Variants in CENPE observed in about 807,000 individuals in gnomAD.
CENPE encodes the protein centromere protein E.
Under a neutral mutation model 336.1 loss-of-function variants are expected in CENPE, and 145 were observed. That is an observed-to-expected ratio of 0.43 (90% CI 0.38 to 0.50). The LOEUF is 0.50. Among genes scored for constraint, CENPE ranks in the 20% least tolerant of loss-of-function variants. The pLI is 0.00. For missense variants in CENPE, 2,719 were observed against 3,023.3 expected (o/e 0.90, Z 2.36); for synonymous variants, 1,013 against 984.8 (o/e 1.03, Z -0.54).
chr4:103,126,241 G>A (rs1435291339), intron 42 of CENPE, among the ~76,000 whole-genome samples: 1 of 152,122 alleles, frequency 6.6e-6, no homozygotes, highest in Non-Finnish European at 1.5e-5. Flanking sequence ...AGTCTGGCAG[G>A]AGAGGAGAAA....
chr4:103,110,089 C>T (rs979445504), intron 47 of CENPE, among the ~76,000 whole-genome samples: 1 of 152,132 alleles, frequency 6.6e-6, no homozygotes, highest in Non-Finnish European at 1.5e-5. Context: ...TTTTTCATAT[C>T]TATTCTGATA....
intron 47 of CENPE, 67 bp downstream of exon 47, chr4:103,110,761 A>G: frequency 1.6e-6 from 2 of 1,273,674 alleles, no homozygotes; most frequent in Non-Finnish European, 2.1e-6. Flanking sequence ...ATACGTGCAT[A>G]TACCATGTCC....
Position 103,114,472 on chromosome 4 carries a change from T to C in CENPE, c.7523A>G (p.Gln2508Arg), listed in dbSNP as rs1170790630. The change falls in exon 46 of 49, where the codon CAG (glutamine) becomes CGG (arginine). Residue 2508 changes from glutamine to arginine, a missense_variant. Coordinates refer to ENST00000265148, the MANE Select transcript of CENPE (RefSeq NM_001813.3). ...LLRENLRRSQQAQDTSVISEH... is the reference protein window; with the variant it reads ...LLRENLRRSQRAQDTSVISEH... ...CTACTTACCTGAGGTATCTTGGGCC[T>C]GTTGACTTCTTCTGAGATTTTCTCT... 3.5e-5 allele frequency: 56 copies of C among 1,608,274 alleles called. No homozygotes were observed. The highest frequency in any genetic ancestry group is 4.6e-5 in the Non-Finnish European group (54 of 1,175,738).
At chr4:103,123,329 C>G (rs1750805444) in intron 42 of CENPE, among the ~76,000 whole-genome samples, 1 of 152,098 alleles carries the variant, frequency 6.6e-6, no homozygotes, top group Admixed American at 6.6e-5. Context: ...ATCCTCTTGT[C>G]CAGCATACAC....
Position 103,192,740 on chromosome 4 carries a change from A to G in CENPE, c.693+1489T>C, listed in dbSNP as rs1560685037. ...GGTAGGAAGAAAATAGTTTCGTTTT[A>G]GACATATTAAAGTTTGAGATAATGA... On this transcript the variant is annotated intron_variant, in intron 8 of 48. Coordinates refer to ENST00000265148, the MANE Select transcript of CENPE (RefSeq NM_001813.3). Among the ~76,000 whole-genome samples the G allele has an allele frequency of 2.0e-5, 3 of 152,158 alleles. No individual in the cohort carries two copies. The South Asian group carries it at 6.2e-4, about 32-fold the overall frequency.
chr4:103,138,283 C>G, intron 39 of CENPE, 68 bp downstream of exon 39: 2 of 1,041,350 alleles, frequency 1.9e-6, no homozygotes, highest in Non-Finnish European at 3.0e-6. Flanking sequence ...TTCAATCCCA[C>G]TTCAGGTTTC....
intron 42 of CENPE, among the ~76,000 whole-genome samples, chr4:103,127,132 AAAACCCCC>A (rs1751190099): frequency 6.6e-6 from 1 of 151,392 alleles, no homozygotes; most frequent in Non-Finnish European, 1.5e-5. Context: ...CCCCCGAAAA[AAAACCCCC>A]AAAAACAAAA....
intron 4 of CENPE, 70 bp from the exon 5 acceptor site, chr4:103,195,303 A>T: frequency 7.2e-7 from 1 of 1,381,606 alleles, no homozygotes. Context: ...CTAAATGCTC[A>T]TGTGCTTAAA....
At position 103,194,210 on chromosome 4, in the gene CENPE, A is replaced by C; in HGVS notation, c.693+19T>G. 1.3e-6 allele frequency: 2 copies of C among 1,597,288 alleles called. No individual in the cohort carries two copies. The highest frequency in any genetic ancestry group is 1.7e-6 in the Non-Finnish European group (2 of 1,166,272). On this transcript the variant is annotated intron_variant, in intron 8 of 48. Coordinates refer to ENST00000265148, the MANE Select transcript of CENPE (RefSeq NM_001813.3). Reference sequence around the variant, plus strand: ...GTTTTGGCCCATACAGTACATTATTATGGTTCATTAATACTCACCAAATGG... The same window carrying C: ...GTTTTGGCCCATACAGTACATTATTCTGGTTCATTAATACTCACCAAATGG...
intron 8 of CENPE, among the ~76,000 whole-genome samples, chr4:103,191,820 C>T (rs930671550): frequency 2.0e-5 from 3 of 151,800 alleles, no homozygotes; most frequent in Middle Eastern, 3.4e-3. Context: ...AATAAAAAAA[C>T]GTAAAACTGG....
At position 103,174,794 on chromosome 4, in the gene CENPE, T is replaced by C; in HGVS notation, c.1589A>G (p.Glu530Gly). The change falls in exon 16 of 49, where the codon GAA (glutamate) becomes GGA (glycine). Residue 530 changes from glutamate (E) to glycine (G), a missense_variant. Coordinates refer to ENST00000265148, the MANE Select transcript of CENPE (RefSeq NM_001813.3). The part of the protein sequence containing the change: ...EKEEMELKLK[E>G]KNDLDEFEAL... ...CTCAAATTCATCCAAATCATTCTTT[T>C]CTTTTAATTTCAATTCCATTTCTTC... is the stretch of plus-strand genomic sequence containing the variant. 1 of 1,554,082 alleles carries C rather than the reference T, an allele frequency of 6.4e-7. No homozygotes were observed. The highest frequency in any genetic ancestry group is 1.2e-5 in the South Asian group (1 of 82,018).
rs1474504185 is a variant in CENPE at position 103,160,607 on chromosome 4, G to A, written c.2286+18C>T. 3.1e-6 allele frequency: 5 copies of A among 1,589,158 alleles called. No individual in the cohort carries two copies. The highest frequency in any genetic ancestry group is 4.3e-6 in the Non-Finnish European group (5 of 1,170,696). ...TTTTATTTCAAAATAAGGGATAAGT[G>A]CTTATAAATGTGTTTACCTCTTTCC... On this transcript the variant is annotated intron_variant, in intron 21 of 48. Transcript: ENST00000265148.
At chr4:103,125,866 CAA>C (rs1314621341) in intron 42 of CENPE, among the ~76,000 whole-genome samples, 29 of 48,054 alleles carry the variant, frequency 6.0e-4, no homozygotes, top group African/African-American at 1.0e-3. Flanking sequence ...GACTCCATCT[CAA>C]AAAAAAAAAA....
Position 103,145,104 on chromosome 4 carries a change from G to C in CENPE, c.4803C>G (p.Ala1601=), listed in dbSNP as rs376664769. 1.9e-6 allele frequency: 3 copies of C among 1,590,948 alleles called. No individual in the cohort carries two copies. Among genetic ancestry groups the C allele is most frequent in the African/African-American group, 2.7e-5 (2 of 73,136 alleles). The change falls in exon 32 of 49, where the codon GCC becomes GCG. Residue 1601 remains alanine, a synonymous_variant. Coordinates refer to ENST00000265148, the MANE Select transcript of CENPE (RefSeq NM_001813.3). ...TCAGTTGGTCTCTCTCTATCTGAAGGGCCTCCTGTACTCTTTTCATTTCCT... is the reference window on the plus strand; with the variant it reads ...TCAGTTGGTCTCTCTCTATCTGAAGCGCCTCCTGTACTCTTTTCATTTCCT... The part of the protein sequence containing the change: ...EKEEMKRVQE[A]LQIERDQLKE...
chr4:103,107,996 C>T (rs1749043228), intron 48 of CENPE, among the ~76,000 whole-genome samples: 2 of 152,172 alleles, frequency 1.3e-5, no homozygotes, highest in South Asian at 4.1e-4. Flanking sequence ...GCCTCACTGA[C>T]TTCACCCACA....
Position 103,123,094 on chromosome 4 carries a change from T to C in CENPE, c.6925-5A>G. 2 of 1,606,176 alleles carry C rather than the reference T, an allele frequency of 1.2e-6. No homozygotes were observed. Among genetic ancestry groups the C allele is most frequent in the South Asian group, 2.2e-5 (2 of 90,864 alleles). On this transcript the variant is annotated splice_polypyrimidine_tract_variant and splice_region_variant and intron_variant, in intron 42 of 48. Coordinates refer to ENST00000265148, the MANE Select transcript of CENPE (RefSeq NM_001813.3). Reference sequence around the variant, plus strand: ...TGTTGATTCATTCATTATGGCCTATTGAACAGTAAAATACCATTATAGCTC... The same window carrying C: ...TGTTGATTCATTCATTATGGCCTATCGAACAGTAAAATACCATTATAGCTC...
intron 44 of CENPE, among the ~76,000 whole-genome samples, chr4:103,117,403 A>T (rs1050694004): frequency 6.6e-6 from 1 of 152,148 alleles, no homozygotes; most frequent in African/African-American, 2.4e-5. Flanking sequence ...CCATCATTAC[A>T]GTATCATACA....
chr4:103,185,653 T>C (rs1345039833), intron 9 of CENPE, among the ~76,000 whole-genome samples, 157 bp downstream of exon 9: 4 of 152,140 alleles, frequency 2.6e-5, no homozygotes, highest in Non-Finnish European at 5.9e-5. Context: ...TGCTGATTTC[T>C]ATGTTAAACT....
At chr4:103,116,462 C>A in intron 45 of CENPE, 115 bp downstream of exon 45, 1 of 522,504 alleles carries the variant, frequency 1.9e-6, no homozygotes, top group Non-Finnish European at 3.3e-6. Flanking sequence ...AAAAAAAGAG[C>A]TGTAACAATA....
Sources: allele counts gnomAD v4.1 joint callset (sites outside exome capture counted in the v4.1 genomes callset), GRCh38; gene constraint gnomAD v4.1.1; transcripts MANE v1.5; gene names NCBI Gene and HGNC (gene_info 2026-07-23, HGNC 2026-07-21).